NVL: variants seen among roughly 807,000 people sequenced by gnomAD.
NVL encodes nuclear valosin-containing protein-like.
In NVL, 84 loss-of-function variants were observed where a neutral mutation model predicts 110.2. The observed-to-expected ratio is 0.76, with a 90% confidence interval of 0.64 to 0.91. The LOEUF (loss-of-function observed/expected upper bound fraction) is 0.91. NVL is among the 40% of genes least tolerant of loss of function. The probability of loss-of-function intolerance (pLI) is 0.00; values close to 1 mark genes in which losing one functional copy is unlikely to be tolerated. For missense variants in NVL, 882 were observed against 1,035.9 expected, an observed-to-expected ratio of 0.85 and a Z score of 2.04; for synonymous variants, 354 against 361.1, an observed-to-expected ratio of 0.98 and a Z score of 0.22.
Position 224,308,235 on chromosome 1 carries a change from A to G in NVL, c.371T>C (p.Leu124Pro). The change falls in exon 6 of 23, where the codon CTG becomes CCG. Residue 124 changes from leucine (L) to proline (P), a missense_variant. Leu to Pro is a moderately conservative substitution (Grantham distance 98). This residue lies in a region of NVL where 274 missense variants were observed against 268.4 expected (regional missense o/e 1.02). Coordinates refer to ENST00000281701, the MANE Select transcript of NVL (RefSeq NM_002533.4). Reference sequence around the variant, plus strand: ...AGGATTTCCTTTCCGATATAAAGACAGCAGGGAACTGTTCATGTGATTTGC... The same window carrying G: ...AGGATTTCCTTTCCGATATAAAGACGGCAGGGAACTGTTCATGTGATTTGC... The part of the protein sequence containing the change: ...QSANHMNSSL[L>P]SLYRKGNPDS... 1 of 1,609,476 alleles carries G rather than the reference A, an allele frequency of 6.2e-7. No individual in the cohort carries two copies. The highest frequency in any genetic ancestry group is 2.2e-5 in the East Asian group (1 of 44,840).
rs766608109 is a variant in NVL at position 224,296,584 on chromosome 1, A to G, written c.1097T>C (p.Ile366Thr). 2 of 1,598,678 alleles carry G rather than the reference A, an allele frequency of 1.3e-6. No individual in the cohort carries two copies. Among genetic ancestry groups the G allele is most frequent in the South Asian group, 1.1e-5 (1 of 87,416 alleles). ...TTCTCTTTTGGGGGTAATAGCATCA[A>G]TTTCATCAATGAAAATGATACATGG... ...NAPCIIFIDE[I>T]DAITPKREVA... is the part of the protein sequence containing the mutation. The change falls in exon 11 of 23, where the codon ATT (isoleucine) becomes ACT (threonine). Residue 366 changes from isoleucine to threonine, a missense_variant. Transcript: ENST00000281701.
intron 18 of NVL, chr1:224,257,003 G>A: frequency 2.0e-6 from 1 of 505,808 alleles, no homozygotes; most frequent in East Asian, 5.6e-5. Context: ...TTCCCAACTG[G>A]TTCCCTATCT....
intron 19 of NVL, among the ~76,000 whole-genome samples, chr1:224,243,038 T>A (rs1261507475): frequency 6.6e-6 from 1 of 152,006 alleles, no homozygotes; most frequent in African/African-American, 2.4e-5. Flanking sequence ...CGCCTTGGCC[T>A]CCTAAAGTGC....
In NVL at chr1:224,308,548, G is replaced by A. The variant is rs537439103; in HGVS notation, c.343-285C>T. Among the ~76,000 whole-genome samples the A allele has an allele frequency of 1.1e-3, 174 of 151,874 alleles. 1 individual carries two copies. The highest frequency in any genetic ancestry group is 4.0e-3 in the African/African-American group (167 of 41,424). On this transcript the variant is annotated intron_variant, in intron 5 of 22. Transcript: ENST00000281701. ...TCTAGTAAAAATACAAAAATTAGCC[G>A]GGCGCAGTGGTAGGCACCTGTAATC...
At chr1:224,328,074 C>G (rs4654022) in intron 1 of NVL, among the ~76,000 whole-genome samples, 1 of 151,848 alleles carries the variant, frequency 6.6e-6, no homozygotes, top group African/African-American at 2.4e-5. Flanking sequence ...ATTTCCCCCC[C>G]CTTTTTTTTA....
At chr1:224,234,110 T>C (rs1439630349) in intron 20 of NVL, among the ~76,000 whole-genome samples, 1 of 152,206 alleles carries the variant, frequency 6.6e-6, no homozygotes, top group Non-Finnish European at 1.5e-5. Flanking sequence ...TTAATGCACC[T>C]GATTCAAGTT....
Position 224,321,584 on chromosome 1 carries a change from TTTTTAAATAAA to T in NVL, c.132-3665_132-3655del, listed in dbSNP as rs376713539. 6.7e-3 allele frequency among the ~76,000 whole-genome samples: 1,018 copies of T among 152,106 alleles called. 9 individuals carry two copies. Among genetic ancestry groups the T allele is most frequent in the African/African-American group, 0.022 (933 of 41,516 alleles). ...ATACAAAAATTATTTTTAGTAATAA[TTTTTAAATAAA>T]TTTTAAATAAATTTTTAGGGTGTGG... On this transcript the variant is annotated intron_variant, in intron 2 of 22. Transcript: ENST00000281701.
chr1:224,305,066 T>C lies in NVL; in HGVS notation c.716A>G (p.Asp239Gly). ...KRKKEDLQEV[D>G]GEIEAVLQKK... ...TTGCAGGACAGCTTCAATTTCTCCATCTACTTCCTGAAGATCTTCTTTCTT... is the reference window on the plus strand; with the variant it reads ...TTGCAGGACAGCTTCAATTTCTCCACCTACTTCCTGAAGATCTTCTTTCTT... Residue 239 changes from aspartate (D) to glycine (G), a missense_variant, in exon 7 of 23, where the codon GAT (aspartate) becomes GGT (glycine). By Grantham distance (94) the Asp-to-Gly change is moderately conservative. Coordinates refer to ENST00000281701, the MANE Select transcript of NVL (RefSeq NM_002533.4). 6.2e-7 allele frequency: 1 copy of C among 1,613,852 alleles called. No individual in the cohort carries two copies. Among genetic ancestry groups the C allele is most frequent in the Non-Finnish European group, 8.5e-7 (1 of 1,179,940 alleles).
rs533624999 is a variant in NVL, at chr1:224,285,207, T to C, written c.1899+819A>G. Among the ~76,000 whole-genome samples, 3 of 152,116 alleles carry C rather than the reference T, an allele frequency of 2.0e-5. No homozygotes were observed. The East Asian group carries it at 5.8e-4, about 29-fold the overall frequency. On this transcript the variant is annotated intron_variant, in intron 15 of 22. Transcript: ENST00000281701. Reference sequence around the variant, plus strand: ...ATCCCAGCACTTTGGGAGGCCGAGATGGGCGGATCATGAGGTCAGGAGTTC... The same window carrying C: ...ATCCCAGCACTTTGGGAGGCCGAGACGGGCGGATCATGAGGTCAGGAGTTC...
At chr1:224,306,959 A>T (rs1252697503) in intron 6 of NVL, among the ~76,000 whole-genome samples, 1 of 151,836 alleles carries the variant, frequency 6.6e-6, no homozygotes, top group Non-Finnish European at 1.5e-5. Context: ...ATAAATAAAA[A>T]GGGGAAAGGT....
chr1:224,281,376 C>T (rs553143483), intron 15 of NVL, among the ~76,000 whole-genome samples, 191 bp from the exon 16 acceptor site: 1 of 151,924 alleles, frequency 6.6e-6, no homozygotes, highest in South Asian at 2.1e-4. Context: ...TCTCGGCTCA[C>T]TGCAAACTCT....
intron 15 of NVL, among the ~76,000 whole-genome samples, chr1:224,281,591 C>G (rs543354097): frequency 6.6e-6 from 1 of 151,512 alleles, no homozygotes; most frequent in African/African-American, 2.4e-5. Context: ...TGAGCTACTG[C>G]GCCTAGCCCT....
At chr1:224,256,966 A>G (rs746633528) in intron 18 of NVL, 9 of 473,162 alleles carry the variant, frequency 1.9e-5, no homozygotes, top group Non-Finnish European at 3.5e-5. Context: ...AACCACCACC[A>G]CCTTGCACCT....
intron 22 of NVL, among the ~76,000 whole-genome samples, chr1:224,229,873 C>T (rs1163031070): frequency 9.9e-5 from 15 of 152,170 alleles, no homozygotes; most frequent in East Asian, 3.9e-4. Context: ...GTTCTGTAAC[C>T]GAGGCTGGAG....
chr1:224,311,539 T>C (rs1168046848), intron 5 of NVL, among the ~76,000 whole-genome samples: 1 of 149,366 alleles, frequency 6.7e-6, no homozygotes, highest in East Asian at 1.9e-4. Context: ...CGGCTAACTT[T>C]TGTATTTTTT....
chr1:224,325,301 G>A (rs1355146261), intron 2 of NVL, among the ~76,000 whole-genome samples: 1 of 151,778 alleles, frequency 6.6e-6, no homozygotes, highest in Non-Finnish European at 1.5e-5. Context: ...GCTGGGCATG[G>A]TGGCTCATGC....
intron 18 of NVL, among the ~76,000 whole-genome samples, chr1:224,264,201 C>T (rs1374144549): frequency 1.3e-5 from 2 of 152,008 alleles, no homozygotes; most frequent in Non-Finnish European, 2.9e-5. Flanking sequence ...CAAGCCCATC[C>T]CAAATTCCTG....
intron 17 of NVL, among the ~76,000 whole-genome samples, chr1:224,274,872 G>T (rs1230718936): frequency 1.3e-5 from 2 of 152,064 alleles, no homozygotes; most frequent in African/African-American, 2.4e-5. Flanking sequence ...GATATAAAAT[G>T]GGTGTTGGGT....
intron 18 of NVL, among the ~76,000 whole-genome samples, chr1:224,264,325 C>A (rs1664277388): frequency 6.6e-6 from 1 of 151,560 alleles, no homozygotes. Flanking sequence ...CTCACTGCAA[C>A]CTCCGCCTCC....
Sources: allele counts gnomAD v4.1 joint callset (sites outside exome capture counted in the v4.1 genomes callset), GRCh38; gene constraint gnomAD v4.1.1; regional missense constraint gnomAD v4.1.1; transcripts MANE v1.5; gene names NCBI Gene and HGNC (gene_info 2026-07-23, HGNC 2026-07-21).